DENND1B: variants seen among roughly 807,000 people sequenced by gnomAD.
DENND1B encodes DENN domain containing 1B.
Under a neutral mutation model 90.1 loss-of-function variants are expected in DENND1B, and 59 were observed. The observed-to-expected ratio is 0.65, with a 90% CI of 0.53 to 0.81. DENND1B has a LOEUF of 0.81. Ranked by LOEUF, DENND1B falls within the 40% of genes least tolerant of loss-of-function variation. The probability of loss-of-function intolerance (pLI) is 0.00; values close to 1 mark genes in which losing one functional copy is unlikely to be tolerated. For synonymous variants in DENND1B, 337 were observed against 324.6 expected (o/e 1.04, Z -0.41); for missense variants, 862 against 912.6 (o/e 0.94, Z 0.71).
chr1:197,583,991 C>G (rs1674473342), intron 14 of DENND1B, among the ~76,000 whole-genome samples: 1 of 152,058 alleles, frequency 6.6e-6, no homozygotes, highest in Non-Finnish European at 1.5e-5. Context: ...AGCCCTTTAG[C>G]CCATTCAACA....
intron 10 of DENND1B, among the ~76,000 whole-genome samples, chr1:197,634,008 G>A (rs993443318): frequency 6.6e-6 from 1 of 152,068 alleles, no homozygotes; most frequent in Non-Finnish European, 1.5e-5. Context: ...GCTTTCCTGG[G>A]CACCCCAAAG....
chr1:197,529,728 G>T (rs1392568733), intron 20 of DENND1B, among the ~76,000 whole-genome samples: 1 of 151,970 alleles, frequency 6.6e-6, no homozygotes, highest in African/African-American at 2.4e-5. Context: ...ATGTTTACAA[G>T]TAAGTATTTT....
At chr1:197,673,310 TA>T (rs1655717088) in intron 4 of DENND1B, among the ~76,000 whole-genome samples, 1 of 151,978 alleles carries the variant, frequency 6.6e-6, no homozygotes. Flanking sequence ...TCAGATAAGG[TA>T]AAACAAGGAG....
At chr1:197,637,869 A>G (rs940154328) in intron 10 of DENND1B, among the ~76,000 whole-genome samples, 9 of 152,200 alleles carry the variant, frequency 5.9e-5, no homozygotes, top group Non-Finnish European at 8.8e-5. Flanking sequence ...AACCTTAACT[A>G]GGAAGCAGGA....
intron 2 of DENND1B, among the ~76,000 whole-genome samples, chr1:197,730,710 C>T (rs1645143692): frequency 1.3e-5 from 2 of 151,844 alleles, no homozygotes; most frequent in Admixed American, 6.6e-5. Flanking sequence ...AAATGTGCCA[C>T]ACTAAATGCA....
At chr1:197,668,873 C>A (rs1180667367) in intron 5 of DENND1B, among the ~76,000 whole-genome samples, 2 of 151,910 alleles carry the variant, frequency 1.3e-5, no homozygotes, top group East Asian at 1.9e-4. Flanking sequence ...ATTTTTTAGT[C>A]CTACAAACAG....
At chr1:197,621,721 A>C (rs1043742107) in intron 10 of DENND1B, among the ~76,000 whole-genome samples, 2 of 151,314 alleles carry the variant, frequency 1.3e-5, no homozygotes, top group Non-Finnish European at 3.0e-5. Context: ...GTTCCTCACG[A>C]AAGCAGAGAA....
chr1:197,548,529 GTTA>G (rs1670982540), intron 16 of DENND1B, among the ~76,000 whole-genome samples: 1 of 152,074 alleles, frequency 6.6e-6, no homozygotes, highest in South Asian at 2.1e-4. Context: ...ATAAATGATC[GTTA>G]TTACTATAAA....
chr1:197,770,738 A>T (rs1370292641), intron 2 of DENND1B, among the ~76,000 whole-genome samples: 2 of 140,054 alleles, frequency 1.4e-5, no homozygotes, highest in Non-Finnish European at 3.1e-5. Context: ...ATATATATAA[A>T]TATATATATC....
intron 2 of DENND1B, among the ~76,000 whole-genome samples, chr1:197,767,900 A>C (rs555359173): frequency 6.6e-6 from 1 of 152,316 alleles, no homozygotes; most frequent in South Asian, 2.1e-4. Flanking sequence ...TATACACGTG[A>C]AGTCACTATG....
intron 10 of DENND1B, among the ~76,000 whole-genome samples, chr1:197,629,628 G>A (rs1679140003): frequency 6.6e-6 from 1 of 151,818 alleles, no homozygotes. Context: ...GTATACATAT[G>A]TAACTAAGCT....
intron 10 of DENND1B, among the ~76,000 whole-genome samples, chr1:197,642,471 GA>G (rs927878421): frequency 4.7e-5 from 7 of 150,114 alleles, no homozygotes; most frequent in East Asian, 1.9e-4. Context: ...GAGTTAAAAA[GA>G]AAAAAAAACT....
In DENND1B at chr1:197,596,330, G is replaced by A. The variant is rs576375720; in HGVS notation, c.922-997C>T. On this transcript the variant is annotated intron_variant, in intron 13 of 22. Coordinates refer to ENST00000620048, the MANE Select transcript of DENND1B (RefSeq NM_001195215.2). ...TTTTAAGGAGGAGGAGATATAAAAT[G>A]CTCCTATGCATCCAATTCACTGTAC... 2.3e-4 allele frequency among the ~76,000 whole-genome samples: 35 copies of A among 151,964 alleles called. 1 individual carries two copies. The South Asian group carries it at 5.2e-3, about 23-fold the overall frequency.
At position 197,772,947 on chromosome 1, in the gene DENND1B, T is replaced by C. The variant is rs1380111212; in HGVS notation, c.18-15A>G. The C allele has an allele frequency of 1.3e-6, 2 of 1,543,078 alleles. No individual in the cohort carries two copies. Among genetic ancestry groups the C allele is most frequent in the Middle Eastern group, 1.7e-4 (1 of 5,966 alleles). On this transcript the variant is annotated splice_polypyrimidine_tract_variant and intron_variant, in intron 1 of 22. Transcript: ENST00000620048. Reference sequence around the variant, plus strand: ...CTGGATTTGCCCTAAAAGGAAAAAGTTTAAATTAATTTCCTATGACAAATA... The same window carrying C: ...CTGGATTTGCCCTAAAAGGAAAAAGCTTAAATTAATTTCCTATGACAAATA...
intron 18 of DENND1B, among the ~76,000 whole-genome samples, chr1:197,542,148 A>C (rs1463084074): frequency 6.6e-6 from 1 of 152,192 alleles, no homozygotes; most frequent in East Asian, 1.9e-4. Context: ...CTTTGGTAAT[A>C]ATTTAAAATG....
At chr1:197,631,250 C>G (rs930759165) in intron 10 of DENND1B, among the ~76,000 whole-genome samples, 2 of 151,996 alleles carry the variant, frequency 1.3e-5, no homozygotes, top group African/African-American at 4.8e-5. Flanking sequence ...CATAATTTGG[C>G]AATCATTTTA....
chr1:197,511,991 C>T, intron 21 of DENND1B, 47 bp from the exon 22 acceptor site: 1 of 1,441,272 alleles, frequency 6.9e-7, no homozygotes, highest in Non-Finnish European at 9.5e-7. Context: ...ACCATATTTG[C>T]TGCATGTAAG....
At chr1:197,664,451 C>A (rs1310979651) in intron 5 of DENND1B, among the ~76,000 whole-genome samples, 2 of 151,980 alleles carry the variant, frequency 1.3e-5, no homozygotes, top group Non-Finnish European at 2.9e-5. Context: ...ATTGTAAGAT[C>A]ATTTCCTTAA....
chr1:197,764,069 G>A (rs1266187569), intron 2 of DENND1B, among the ~76,000 whole-genome samples: 4 of 152,186 alleles, frequency 2.6e-5, no homozygotes, highest in Non-Finnish European at 4.4e-5. Flanking sequence ...TTTCTAAAAC[G>A]AGTGGCTTTT....
Sources: allele counts gnomAD v4.1 joint callset (sites outside exome capture counted in the v4.1 genomes callset), GRCh38; gene constraint gnomAD v4.1.1; transcripts MANE v1.5; gene names NCBI Gene and HGNC (gene_info 2026-07-23, HGNC 2026-07-21).